C1QTNF7: variants seen among roughly 807,000 people sequenced by gnomAD.
C1QTNF7 encodes the protein C1q and TNF related 7, also known as complement C1q tumor necrosis factor-related protein 7.
In C1QTNF7, 15 loss-of-function variants were observed where a neutral mutation model predicts 19.6. The ratio of observed to expected loss-of-function variants is 0.76; its 90% confidence interval spans 0.51 to 1.18. C1QTNF7 has a LOEUF of 1.18. C1QTNF7 is among the 50% of genes most tolerant of loss of function. The pLI is 0.00. For missense variants in C1QTNF7, 324 were observed against 359.7 expected (o/e 0.90, Z 0.80); for synonymous variants, 142 against 137.5 (o/e 1.03, Z -0.23).
chr4:15,440,649 G>A (rs1712719912), intron 2 of C1QTNF7, among the ~76,000 whole-genome samples: 1 of 152,026 alleles, frequency 6.6e-6, no homozygotes, highest in African/African-American at 2.4e-5. Flanking sequence ...CTCGTTATCT[G>A]CCCGCCTCGG....
intron 1 of C1QTNF7, among the ~76,000 whole-genome samples, chr4:15,352,267 C>T (rs2109289531): frequency 6.6e-6 from 1 of 152,222 alleles, no homozygotes; most frequent in East Asian, 1.9e-4. Flanking sequence ...TATAAAATAG[C>T]TGCTTCCCAT....
At chr4:15,344,085 T>C (rs771052187) in intron 1 of C1QTNF7, among the ~76,000 whole-genome samples, 3 of 152,122 alleles carry the variant, frequency 2.0e-5, no homozygotes, top group Non-Finnish European at 4.4e-5. Context: ...GAGGAGAATA[T>C]GAGCAAAAAC....
chr4:15,361,871 T>C (rs1265451660), intron 1 of C1QTNF7, among the ~76,000 whole-genome samples: 1 of 152,158 alleles, frequency 6.6e-6, no homozygotes, highest in Non-Finnish European at 1.5e-5. Flanking sequence ...TCTTCAGCCT[T>C]CTTCCACCAA....
intron 1 of C1QTNF7, among the ~76,000 whole-genome samples, chr4:15,389,127 C>A (rs1224798113): frequency 1.3e-5 from 2 of 152,128 alleles, no homozygotes; most frequent in Non-Finnish European, 2.9e-5. Context: ...GATGAGCGGC[C>A]TTGAGTTTTA....
chr4:15,379,507 T>C (rs979280421), intron 1 of C1QTNF7, among the ~76,000 whole-genome samples: 1 of 152,250 alleles, frequency 6.6e-6, no homozygotes, highest in Non-Finnish European at 1.5e-5. Flanking sequence ...AGCTTAGTGA[T>C]GTTAAATAAC....
Position 15,442,757 on chromosome 4 carries a change from C to T in C1QTNF7, c.828C>T (p.Asp276=). 1 of 1,613,514 alleles carries T rather than the reference C, an allele frequency of 6.2e-7. No individual in the cohort carries two copies. Among genetic ancestry groups the T allele is most frequent in the Non-Finnish European group, 8.5e-7 (1 of 1,179,818 alleles). The change falls in exon 3 of 3, where the codon GAC becomes GAT. Residue 276 remains aspartate (D), a synonymous_variant. Transcript: ENST00000444304. ...TCTCCGGGTTTCTCTTATACGTTGA[C>T]ACAGATTACCTAGATTCCATATCAG... The part of the protein sequence containing the change: ...SLFSGFLLYV[D]TDYLDSISED...
At chr4:15,428,694 T>C (rs1712167078) in intron 1 of C1QTNF7, among the ~76,000 whole-genome samples, 1 of 152,074 alleles carries the variant, frequency 6.6e-6, no homozygotes, top group East Asian at 1.9e-4. Context: ...AGCAAAGAAC[T>C]GGTGAACAAC....
At chr4:15,399,876 C>T (rs1718922700) in intron 1 of C1QTNF7, among the ~76,000 whole-genome samples, 1 of 152,184 alleles carries the variant, frequency 6.6e-6, no homozygotes, top group South Asian at 2.1e-4. Context: ...CAGGGCCTTT[C>T]CCATATATGA....
At chr4:15,413,012 G>A (rs1467286720) in intron 1 of C1QTNF7, among the ~76,000 whole-genome samples, 4 of 152,228 alleles carry the variant, frequency 2.6e-5, no homozygotes, top group Non-Finnish European at 5.9e-5. Context: ...CTGAGGTTCA[G>A]ATCCGTTATA....
At chr4:15,398,373 C>T (rs993968212) in intron 1 of C1QTNF7, among the ~76,000 whole-genome samples, 4 of 152,128 alleles carry the variant, frequency 2.6e-5, no homozygotes, top group African/African-American at 9.7e-5. Context: ...GACCACCCCC[C>T]CTCCCTGCCC....
At chr4:15,422,612 T>TA (rs1357902306) in intron 1 of C1QTNF7, among the ~76,000 whole-genome samples, 2 of 144,882 alleles carry the variant, frequency 1.4e-5, no homozygotes, top group Admixed American at 1.5e-4. Flanking sequence ...CTTTCGATAA[T>TA]TTTTTTTTTT....
chr4:15,426,498 T>G (rs947039397), upstream of C1QTNF7, among the ~76,000 whole-genome samples: 4 of 152,188 alleles, frequency 2.6e-5, no homozygotes, highest in African/African-American at 9.6e-5. Flanking sequence ...AATTCAATTT[T>G]TATTGAAGAA....
chr4:15,419,709 A>G (rs1711650852), intron 1 of C1QTNF7, among the ~76,000 whole-genome samples: 1 of 152,212 alleles, frequency 6.6e-6, no homozygotes, highest in Non-Finnish European at 1.5e-5. Context: ...AAGAATAGAT[A>G]ATATATGAGG....
At chr4:15,439,278 C>T (rs1454897156) in intron 2 of C1QTNF7, among the ~76,000 whole-genome samples, 1 of 152,194 alleles carries the variant, frequency 6.6e-6, no homozygotes, top group Non-Finnish European at 1.5e-5. Context: ...CTCAAACAAA[C>T]ATTACTATAG....
At chr4:15,356,842 A>G (rs997861862) in intron 1 of C1QTNF7, among the ~76,000 whole-genome samples, 7 of 152,006 alleles carry the variant, frequency 4.6e-5, no homozygotes. Context: ...CATTTCTCTA[A>G]TAACCAGTGA....
In C1QTNF7 at chr4:15,434,812, C is replaced by T. The variant is rs569529899; in HGVS notation, c.-8-924C>T. On this transcript the variant is annotated intron_variant, in intron 1 of 2. Transcript: ENST00000444304. ...CTTCACTTGGGGCACAGGCACCATG[C>T]GTGGCTTAATTTCACACAGCTCTTT... Among the ~76,000 whole-genome samples, 8 of 152,248 alleles carry T rather than the reference C, an allele frequency of 5.3e-5. No individual in the cohort carries two copies. In the South Asian group the frequency reaches 1.7e-3, roughly 32 times the overall value.
chr4:15,387,760 G>T (rs1208446486), intron 1 of C1QTNF7, among the ~76,000 whole-genome samples: 1 of 152,108 alleles, frequency 6.6e-6, no homozygotes. Flanking sequence ...TAATATCTAT[G>T]CTATAAACAG....
At chr4:15,353,882 TAA>T in intron 1 of C1QTNF7, among the ~76,000 whole-genome samples, 1 of 152,212 alleles carries the variant, frequency 6.6e-6, no homozygotes, top group East Asian at 1.9e-4. Flanking sequence ...TTATGAATCT[TAA>T]AAGATTTTTT....
At chr4:15,431,182 T>C (rs550952625) in intron 1 of C1QTNF7, among the ~76,000 whole-genome samples, 1 of 152,210 alleles carries the variant, frequency 6.6e-6, no homozygotes, top group South Asian at 2.1e-4. Context: ...TGGTTAAATA[T>C]TACAAACACA....
Sources: gnomAD v4.1 joint callset for allele counts (sites outside exome capture counted in the v4.1 genomes callset) on GRCh38, gnomAD v4.1.1 for gene constraint, MANE v1.5 for transcripts, NCBI Gene and HGNC (gene_info 2026-07-23, HGNC 2026-07-21) for gene names.